RSU1: variants seen among roughly 807,000 people sequenced by gnomAD.
RSU1 encodes rsu-1.
A neutral mutation model predicts 31.1 loss-of-function variants in RSU1; 26 were observed. The observed-to-expected ratio is 0.84, with a 90% CI of 0.61 to 1.16. The LOEUF (loss-of-function observed/expected upper bound fraction) is 1.16, where lower values mean the gene tolerates loss of function less well. RSU1 is among the 50% of genes most tolerant of loss of function. RSU1 has a pLI of 0.00. For synonymous variants in RSU1, 164 were observed against 136.3 expected (o/e 1.20, Z -1.41); for missense variants, 320 against 339.1 (o/e 0.94, Z 0.44).
intron 8 of RSU1, among the ~76,000 whole-genome samples, chr10:16,677,036 A>G (rs17139010): frequency 0.54 from 81,842 of 151,986 alleles, 22,235 homozygotes; most frequent in Middle Eastern, 0.61. Flanking sequence ...CCTTGTAGGA[A>G]GCTGAATTTG....
chr10:16,593,789 A>ATGAG (rs1833555890), intron 8 of RSU1, among the ~76,000 whole-genome samples: 1 of 152,230 alleles, frequency 6.6e-6, no homozygotes, highest in African/African-American at 2.4e-5. Flanking sequence ...TCAAAAGCTT[A>ATGAG]TGAGTGTTTA....
chr10:16,797,988 A>T (rs983787642), intron 2 of RSU1, among the ~76,000 whole-genome samples: 1 of 151,108 alleles, frequency 6.6e-6, no homozygotes, highest in Non-Finnish European at 1.5e-5. Context: ...CAGCCTCCAG[A>T]GTAGCTGGGA....
At chr10:16,653,780 T>G (rs1297779394) in intron 8 of RSU1, among the ~76,000 whole-genome samples, 2 of 152,104 alleles carry the variant, frequency 1.3e-5, no homozygotes, top group Non-Finnish European at 2.9e-5. Flanking sequence ...ACCTGTGCAT[T>G]AATAAGTGGC....
intron 7 of RSU1, among the ~76,000 whole-genome samples, chr10:16,711,424 T>A (rs1836016845): frequency 6.6e-6 from 1 of 152,184 alleles, no homozygotes; most frequent in South Asian, 2.1e-4. Flanking sequence ...TTTCCTTCTA[T>A]CAATTTTGGG....
intron 7 of RSU1, chr10:16,727,225 C>G (rs1048786194): frequency 4.6e-6 from 2 of 432,466 alleles, no homozygotes; most frequent in African/African-American, 4.0e-5. Flanking sequence ...GATGTTCCGC[C>G]TGGCTGCATC....
At chr10:16,613,688 T>C (rs1446212460) in intron 8 of RSU1, among the ~76,000 whole-genome samples, 1 of 152,202 alleles carries the variant, frequency 6.6e-6, no homozygotes, top group East Asian at 1.9e-4. Context: ...TGAAATGTAT[T>C]CAGACAGGCA....
intron 8 of RSU1, among the ~76,000 whole-genome samples, chr10:16,608,733 A>G (rs1199179948): frequency 1.3e-5 from 2 of 151,964 alleles, no homozygotes; most frequent in Non-Finnish European, 2.9e-5. Flanking sequence ...TCACTTTCAC[A>G]TTTTTGAGTT....
Position 16,593,286 on chromosome 10 carries a change from A to T in RSU1, c.*108T>A, listed in dbSNP as rs1833542533. On this transcript the variant is annotated 3_prime_UTR_variant, in exon 9 of 9. Transcript: ENST00000345264. ...TTAGAAAGAGAGTGAAAAGAAAAAT[A>T]AAAAAGGCCTCACACGCAGCATTGG... 1 of 1,512,810 alleles carries T rather than the reference A, an allele frequency of 6.6e-7. No homozygotes were observed. The highest frequency in any genetic ancestry group is 1.3e-5 in the South Asian group (1 of 76,564). 93.7% of individuals were successfully genotyped at this position (1,512,810 alleles called of 1,614,324 possible).
intron 8 of RSU1, among the ~76,000 whole-genome samples, chr10:16,638,091 T>C (rs889836294): frequency 1.3e-5 from 2 of 152,212 alleles, no homozygotes; most frequent in South Asian, 2.1e-4. Context: ...ATTGTAGCGA[T>C]GTACTTTTTC....
intron 8 of RSU1, among the ~76,000 whole-genome samples, chr10:16,687,818 C>G (rs1467793968): frequency 6.6e-6 from 1 of 152,092 alleles, no homozygotes; most frequent in East Asian, 1.9e-4. Flanking sequence ...CTTCTGGGCT[C>G]AAGGCATCCT....
chr10:16,747,076 C>A (rs1168993711), intron 7 of RSU1, among the ~76,000 whole-genome samples: 1 of 152,170 alleles, frequency 6.6e-6, no homozygotes, highest in Non-Finnish European at 1.5e-5. Context: ...ACAGCTCCAG[C>A]AATGGGGAGC....
intron 8 of RSU1, among the ~76,000 whole-genome samples, chr10:16,669,861 G>C (rs1835075080): frequency 6.6e-6 from 1 of 152,152 alleles, no homozygotes; most frequent in African/African-American, 2.4e-5. Context: ...CCATGTCTTT[G>C]CTATTGTAAA....
intron 7 of RSU1, among the ~76,000 whole-genome samples, chr10:16,751,023 G>A (rs374911049): frequency 4.3e-4 from 65 of 151,934 alleles, no homozygotes; most frequent in African/African-American, 1.4e-3. Context: ...GCACCACCAC[G>A]TCCAGCTAAT....
chr10:16,704,639 G>A (rs940513339), intron 7 of RSU1, among the ~76,000 whole-genome samples: 2 of 152,214 alleles, frequency 1.3e-5, no homozygotes, highest in African/African-American at 2.4e-5. Flanking sequence ...CCAGAATTCT[G>A]TCATCAGAAT....
At chr10:16,671,041 C>T (rs958512340) in intron 8 of RSU1, among the ~76,000 whole-genome samples, 1 of 152,220 alleles carries the variant, frequency 6.6e-6, no homozygotes, top group Non-Finnish European at 1.5e-5. Flanking sequence ...ACTGGGATTA[C>T]AGGCATGAGC....
At chr10:16,733,333 T>TAAAAA (rs569239845) in intron 7 of RSU1, among the ~76,000 whole-genome samples, 1 of 79,640 alleles carries the variant, frequency 1.3e-5, no homozygotes, top group African/African-American at 5.0e-5. Context: ...TCTACGACAA[T>TAAAAA]AAAAAAAAAA....
chr10:16,625,078 T>A (rs1834132366), intron 8 of RSU1, among the ~76,000 whole-genome samples: 2 of 152,230 alleles, frequency 1.3e-5, no homozygotes, highest in South Asian at 4.1e-4. Flanking sequence ...GAACATTAGC[T>A]GCATAGTATT....
Position 16,671,263 on chromosome 10 carries a change from G to A in RSU1, c.731+23760C>T, listed in dbSNP as rs150775528. ...ACACTATGTTGTCCAGGCTAGTCTCGGAACTCCTGGGTTCAAGTGATCCTC... is the reference window on the plus strand; with the variant it reads ...ACACTATGTTGTCCAGGCTAGTCTCAGAACTCCTGGGTTCAAGTGATCCTC... On this transcript the variant is annotated intron_variant, in intron 8 of 8. Coordinates refer to ENST00000345264, the MANE Select transcript of RSU1 (RefSeq NM_012425.4). Among the ~76,000 whole-genome samples, 774 of 151,964 alleles carry A rather than the reference G, an allele frequency of 5.1e-3. 5 individuals are homozygous for A. The highest frequency in any genetic ancestry group is 8.7e-3 in the Non-Finnish European group (589 of 67,936).
intron 8 of RSU1, among the ~76,000 whole-genome samples, chr10:16,688,819 A>G (rs1018407853): frequency 5.3e-5 from 8 of 152,026 alleles, no homozygotes; most frequent in Non-Finnish European, 7.4e-5. Flanking sequence ...TGGGCAACAT[A>G]GCAAGACCCC....
Sources: gnomAD v4.1 joint callset for allele counts (sites outside exome capture counted in the v4.1 genomes callset) on GRCh38, gnomAD v4.1.1 for gene constraint, MANE v1.5 for transcripts, NCBI Gene and HGNC (gene_info 2026-07-23, HGNC 2026-07-21) for gene names.